The following GLCE variants were observed in gnomAD, a reference collection of about 807,000 sequenced individuals.
GLCE encodes the protein D-glucuronyl C5-epimerase.
In GLCE, 19 loss-of-function variants were observed where a neutral mutation model predicts 47.9. The observed-to-expected ratio is 0.40, with a 90% CI of 0.28 to 0.58. The LOEUF (loss-of-function observed/expected upper bound fraction) is 0.58, where lower values mean the gene tolerates loss of function less well. Ranked by LOEUF, GLCE falls within the 20% of genes least tolerant of loss-of-function variation. The pLI, the probability that GLCE is intolerant of heterozygous loss-of-function variation, is 0.48. For missense variants in GLCE, 556 were observed against 743.3 expected, an observed-to-expected ratio of 0.75 and a Z score of 2.93; for synonymous variants, 245 against 263.4, an observed-to-expected ratio of 0.93 and a Z score of 0.68.
At chr15:69,221,335 T>G (rs2052374594) in intron 2 of GLCE, among the ~76,000 whole-genome samples, 1 of 152,240 alleles carries the variant, frequency 6.6e-6, no homozygotes, top group Non-Finnish European at 1.5e-5. Flanking sequence ...TTGCTTTGTG[T>G]AGTGCTGACA....
At chr15:69,210,877 G>A (rs1294277742) in intron 2 of GLCE, among the ~76,000 whole-genome samples, 1 of 152,076 alleles carries the variant, frequency 6.6e-6, no homozygotes, top group Admixed American at 6.6e-5. Context: ...TTTTTAGTTG[G>A]AACAGTGTCT....
At chr15:69,220,579 T>G (rs75361643) in intron 2 of GLCE, among the ~76,000 whole-genome samples, 3,687 of 152,282 alleles carry the variant, frequency 0.024, 66 homozygotes, top group Non-Finnish European at 0.032. Flanking sequence ...ATGTGTATAT[T>G]CTTTGGTGAA....
chr15:69,208,460 T>C (rs1479277379), intron 1 of GLCE, among the ~76,000 whole-genome samples: 3 of 151,288 alleles, frequency 2.0e-5, no homozygotes, highest in East Asian at 1.9e-4. Flanking sequence ...TGTGTGGATA[T>C]ATTTGTGAAC....
At chr15:69,230,304 C>G (rs1057327990) in intron 2 of GLCE, among the ~76,000 whole-genome samples, 1 of 151,190 alleles carries the variant, frequency 6.6e-6, no homozygotes. Flanking sequence ...CAATTAGTAT[C>G]AGATAAAGTA....
chr15:69,187,131 GT>G (rs767634890), intron 1 of GLCE, among the ~76,000 whole-genome samples: 11 of 152,094 alleles, frequency 7.2e-5, no homozygotes, highest in Non-Finnish European at 1.5e-4. Context: ...ATTAGCTATA[GT>G]TTCTGTATCT....
intron 2 of GLCE, among the ~76,000 whole-genome samples, chr15:69,211,355 T>C (rs1319075062): frequency 6.6e-6 from 1 of 152,038 alleles, no homozygotes; most frequent in Non-Finnish European, 1.5e-5. Flanking sequence ...GAACAAATAA[T>C]ATTTTGAGAG....
chr15:69,222,524 A>G (rs2052391729), intron 2 of GLCE, among the ~76,000 whole-genome samples: 1 of 152,140 alleles, frequency 6.6e-6, no homozygotes, highest in African/African-American at 2.4e-5. Flanking sequence ...GGTCAGAGCC[A>G]CCCCTTCCTA....
chr15:69,184,934 G>T (rs1296011988), intron 1 of GLCE, among the ~76,000 whole-genome samples: 2 of 152,186 alleles, frequency 1.3e-5, no homozygotes, highest in Non-Finnish European at 2.9e-5. Flanking sequence ...TCTCCTATCT[G>T]ATTGACATGA....
At chr15:69,171,586 C>T (rs1024383318) in intron 1 of GLCE, among the ~76,000 whole-genome samples, 6 of 151,712 alleles carry the variant, frequency 4.0e-5, no homozygotes, top group Middle Eastern at 3.2e-3. Context: ...TTAGTAGAGA[C>T]GGGGTTTCAT....
At chr15:69,174,255 G>C (rs1002404082) in intron 1 of GLCE, among the ~76,000 whole-genome samples, 4 of 152,080 alleles carry the variant, frequency 2.6e-5, no homozygotes, top group African/African-American at 9.7e-5. Context: ...TGCTTTTAAA[G>C]ATGATGGCAT....
At chr15:69,202,932 A>C (rs920477721) in intron 1 of GLCE, among the ~76,000 whole-genome samples, 1 of 152,148 alleles carries the variant, frequency 6.6e-6, no homozygotes, top group Non-Finnish European at 1.5e-5. Flanking sequence ...ATAAAACTTC[A>C]TTTCTGAAAG....
intron 1 of GLCE, among the ~76,000 whole-genome samples, chr15:69,182,074 C>T (rs1284500126): frequency 6.6e-6 from 1 of 151,234 alleles, no homozygotes; most frequent in African/African-American, 2.4e-5. Context: ...GACACAGGGT[C>T]ATAAGATAAA....
rs141517092 is a variant in GLCE at position 69,256,060 on chromosome 15, C to G, written c.254C>G (p.Pro85Arg). ...EAFPQEQQKA[P>R]PVVGGFNSNV... ...TTCCCTCAGGAACAGCAGAAAGCAC[C>G]CCCTGTTGTTGGGGGCTTCAATAGC... Residue 85 changes from proline to arginine, a missense_variant, in exon 3 of 5, where the codon CCC (proline) becomes CGC (arginine). This residue lies in a region of GLCE where 237 missense variants were observed against 310.9 expected (regional missense o/e 0.76). Coordinates refer to ENST00000261858, the MANE Select transcript of GLCE (RefSeq NM_015554.3). 6.2e-7 allele frequency: 1 copy of G among 1,613,952 alleles called. No homozygotes were observed. Among genetic ancestry groups the G allele is most frequent in the Non-Finnish European group, 8.5e-7 (1 of 1,179,960 alleles).
At chr15:69,264,652 C>T (rs1315947874) in intron 4 of GLCE, among the ~76,000 whole-genome samples, 3 of 152,240 alleles carry the variant, frequency 2.0e-5, no homozygotes, top group Non-Finnish European at 2.9e-5. Flanking sequence ...ACATTCCCAC[C>T]CAAAGTGCGC....
rs192748160 is a variant in GLCE, at chr15:69,232,085, C to T, written c.-14+21679C>T. Among the ~76,000 whole-genome samples, 15 of 152,332 alleles carry T rather than the reference C, an allele frequency of 9.8e-5. No homozygotes were observed. In the South Asian group the frequency reaches 1.0e-3, roughly 11 times the overall value. On this transcript the variant is annotated intron_variant, in intron 2 of 4. Coordinates refer to ENST00000261858, the MANE Select transcript of GLCE (RefSeq NM_015554.3). ...GGATTACAGGCCCAAGCCACCACCC[C>T]GGCCTCAGATTTTTATATATACGTT...
chr15:69,174,032 AT>A (rs2051624783), intron 1 of GLCE, among the ~76,000 whole-genome samples: 1 of 150,562 alleles, frequency 6.6e-6, no homozygotes, highest in African/African-American at 2.4e-5. Context: ...TAATTTTTGT[AT>A]TTTTGTAGAG....
intron 2 of GLCE, among the ~76,000 whole-genome samples, chr15:69,237,415 T>C (rs1021231772): frequency 4.2e-4 from 64 of 152,066 alleles, no homozygotes; most frequent in Admixed American, 1.4e-3. Context: ...GCCAACATGG[T>C]TAAACCCCGT....
chr15:69,210,739 A>G (rs2052221160), intron 2 of GLCE, among the ~76,000 whole-genome samples: 1 of 152,178 alleles, frequency 6.6e-6, no homozygotes, highest in African/African-American at 2.4e-5. Context: ...CTGTTTGCCT[A>G]GAGCAGGAGT....
At chr15:69,246,900 G>T (rs1317686759) in intron 2 of GLCE, among the ~76,000 whole-genome samples, 1 of 152,124 alleles carries the variant, frequency 6.6e-6, no homozygotes, top group Admixed American at 6.5e-5. Context: ...TTTTTTCTGA[G>T]CAGTAGGTCT....
Sources: gnomAD v4.1 joint callset for allele counts (sites outside exome capture counted in the v4.1 genomes callset) on GRCh38, gnomAD v4.1.1 for gene constraint, gnomAD v4.1.1 regional missense constraint, MANE v1.5 for transcripts, NCBI Gene and HGNC (gene_info 2026-07-23, HGNC 2026-07-21) for gene names.